The following CENPP variants were observed in gnomAD, a reference collection of about 807,000 sequenced individuals.
CENPP encodes centromere protein P.
Under a neutral mutation model 35.6 loss-of-function variants are expected in CENPP, and 24 were observed. The observed-to-expected ratio is 0.67, with a 90% CI of 0.49 to 0.95. CENPP has a LOEUF of 0.95. Ranked by LOEUF, CENPP falls within the 40% of genes least tolerant of loss-of-function variation. CENPP has a pLI of 0.00. For missense variants in CENPP, 332 were observed against 345.3 expected, an observed-to-expected ratio of 0.96 and a Z score of 0.31; for synonymous variants, 120 against 125.5, an observed-to-expected ratio of 0.96 and a Z score of 0.29.
At chr9:92,330,345 G>T (rs1459357577) in intron 1 of CENPP, among the ~76,000 whole-genome samples, 3 of 152,162 alleles carry the variant, frequency 2.0e-5, no homozygotes, top group Non-Finnish European at 4.4e-5. Context: ...ATGGTTAGAG[G>T]TATATTTTAA....
chr9:92,375,902 C>A (rs1842115670), intron 4 of CENPP, among the ~76,000 whole-genome samples: 1 of 149,382 alleles, frequency 6.7e-6, no homozygotes, highest in Non-Finnish European at 1.5e-5. Context: ...TGTTTCTTTG[C>A]ATGCTTAGTT....
intron 5 of CENPP, among the ~76,000 whole-genome samples, chr9:92,412,675 C>T (rs915433380): frequency 5.3e-5 from 8 of 152,150 alleles, no homozygotes; most frequent in African/African-American, 1.9e-4. Context: ...CATGTTGTAG[C>T]ATATGTCAGT....
chr9:92,479,859 A>T (rs746661308), intron 5 of CENPP, among the ~76,000 whole-genome samples: 1 of 152,162 alleles, frequency 6.6e-6, no homozygotes, highest in Admixed American at 6.5e-5. Flanking sequence ...TAATAAGTAC[A>T]ATCAAGTATA....
At position 92,344,339 on chromosome 9, in the gene CENPP, A is replaced by G. The variant is rs1841214720; in HGVS notation, c.379-1360A>G. Among the ~76,000 whole-genome samples, 4 of 152,338 alleles carry G rather than the reference A, an allele frequency of 2.6e-5. No homozygotes were observed. In the South Asian group the frequency reaches 8.3e-4, roughly 32 times the overall value. On this transcript the variant is annotated intron_variant, in intron 3 of 7. Coordinates refer to ENST00000375587, the MANE Select transcript of CENPP (RefSeq NM_001012267.3). ...TGAAATCTAACATGTATCTACACATACTTGACCAAGAGACCAGATGTGCTC... is the reference window on the plus strand; with the variant it reads ...TGAAATCTAACATGTATCTACACATGCTTGACCAAGAGACCAGATGTGCTC...
chr9:92,370,845 C>T (rs1434618550), intron 4 of CENPP, among the ~76,000 whole-genome samples: 2 of 152,120 alleles, frequency 1.3e-5, no homozygotes, highest in Non-Finnish European at 2.9e-5. Flanking sequence ...ATTTCTGATT[C>T]AATCTTGGTA....
intron 5 of CENPP, chr9:92,496,545 A>T: frequency 1.3e-6 from 2 of 1,556,510 alleles, no homozygotes; most frequent in Non-Finnish European, 1.7e-6. Context: ...TTTAGGAGTT[A>T]AGTTTAACAT....
chr9:92,549,985 A>C (rs1849554088), intron 5 of CENPP, among the ~76,000 whole-genome samples: 1 of 152,232 alleles, frequency 6.6e-6, no homozygotes, highest in South Asian at 2.1e-4. Context: ...CTTCCCTTGA[A>C]GTCGCAGGTA....
chr9:92,435,872 C>T (rs11793727), intron 5 of CENPP, among the ~76,000 whole-genome samples: 17,288 of 152,218 alleles, frequency 0.11, 1,046 homozygotes, highest in Middle Eastern at 0.15. Flanking sequence ...TCTAAACATT[C>T]ATGTACAGGT....
At chr9:92,406,371 G>A (rs1042655962) in intron 5 of CENPP, among the ~76,000 whole-genome samples, 6 of 152,290 alleles carry the variant, frequency 3.9e-5, no homozygotes, top group Non-Finnish European at 7.4e-5. Flanking sequence ...TGTAGTCAGT[G>A]AGAGACCATG....
intron 5 of CENPP, among the ~76,000 whole-genome samples, chr9:92,520,463 A>G (rs1055535644): frequency 6.6e-6 from 1 of 152,164 alleles, no homozygotes; most frequent in African/African-American, 2.4e-5. Flanking sequence ...ATAAATAACA[A>G]TTGTTGGCAG....
At chr9:92,582,812 C>T (rs1850460023) in intron 5 of CENPP, among the ~76,000 whole-genome samples, 1 of 152,144 alleles carries the variant, frequency 6.6e-6, no homozygotes, top group African/African-American at 2.4e-5. Context: ...ATCCTGCTCT[C>T]AAAGGGCAGG....
intron 5 of CENPP, among the ~76,000 whole-genome samples, chr9:92,398,178 G>T (rs1842969138): frequency 6.6e-6 from 1 of 152,094 alleles, no homozygotes; most frequent in South Asian, 2.1e-4. Flanking sequence ...TTAGCCTGAA[G>T]GTATATAGGA....
rs766348124 is a variant in CENPP, at chr9:92,509,991, A to G, written c.565-101323A>G. On this transcript the variant is annotated intron_variant, in intron 5 of 7. Transcript: ENST00000375587. The stretch of plus-strand genomic sequence containing the variant: ...TGGCAATTGTGAAGGAATCTGTATC[A>G]AATTATTTCCATCCATATTCAAACG... The G allele has an allele frequency of 6.8e-6, 11 of 1,608,542 alleles. No homozygotes were observed. The South Asian group carries it at 1.0e-4, about 15-fold the overall frequency.
At chr9:92,557,847 G>A (rs963401813) in intron 5 of CENPP, among the ~76,000 whole-genome samples, 2 of 152,064 alleles carry the variant, frequency 1.3e-5, no homozygotes, top group Admixed American at 6.6e-5. Flanking sequence ...ATTTCAACAT[G>A]TTGGCCAGGA....
intron 5 of CENPP, chr9:92,404,635 T>C (rs1197431261): frequency 7.8e-7 from 1 of 1,277,696 alleles, no homozygotes; most frequent in African/African-American, 1.6e-5. Flanking sequence ...GCCCAGCAGC[T>C]TTAAGAACAG....
chr9:92,532,029 A>T (rs927866), intron 5 of CENPP, among the ~76,000 whole-genome samples: 34,693 of 84,150 alleles, frequency 0.41, 8,051 homozygotes, highest in African/African-American at 0.73. Context: ...TTTTTTTTTT[A>T]TTTTATTTTT....
At chr9:92,386,570 G>A (rs950660319) in intron 5 of CENPP, among the ~76,000 whole-genome samples, 1 of 151,854 alleles carries the variant, frequency 6.6e-6, no homozygotes, top group African/African-American at 2.4e-5. Flanking sequence ...CTGAATATCC[G>A]GCTCTAATGC....
intron 5 of CENPP, among the ~76,000 whole-genome samples, chr9:92,498,311 T>C (rs973427789): frequency 6.6e-6 from 1 of 151,898 alleles, no homozygotes; most frequent in African/African-American, 2.4e-5. Flanking sequence ...ATCATAGACG[T>C]TGGGGGAGGG....
At chr9:92,452,513 G>A (rs895329172) in intron 5 of CENPP, among the ~76,000 whole-genome samples, 37 of 152,260 alleles carry the variant, frequency 2.4e-4, no homozygotes, top group African/African-American at 8.7e-4. Flanking sequence ...GTATTTTATT[G>A]AGGATTTTTG....
Sources: gnomAD v4.1 joint callset for allele counts (sites outside exome capture counted in the v4.1 genomes callset) on GRCh38, gnomAD v4.1.1 for gene constraint, MANE v1.5 for transcripts, NCBI Gene and HGNC (gene_info 2026-07-23, HGNC 2026-07-21) for gene names.